Variants in PCDHGB2 observed in about 807,000 individuals in gnomAD.
PCDHGB2 encodes the protein protocadherin gamma subfamily B, 2.
In PCDHGB2, 55 loss-of-function variants were observed where a neutral mutation model predicts 59.3. The observed-to-expected ratio is 0.93, with a 90% CI of 0.75 to 1.16. The LOEUF is 1.16. Ranked by LOEUF, PCDHGB2 falls within the 50% of genes most tolerant of loss-of-function variation. PCDHGB2 has a pLI of 0.00. For synonymous variants in PCDHGB2, 516 were observed against 512.0 expected (o/e 1.01, Z -0.11); for missense variants, 1,228 against 1,198.5 (o/e 1.02, Z -0.36).
At chr5:141,385,129 G>T in intron 1 of PCDHGB2, 1 of 1,614,200 alleles carries the variant, frequency 6.2e-7, no homozygotes, top group South Asian at 1.1e-5. Context: ...TGTGGGCATG[G>T]ACGGGGTGCA....
chr5:141,418,323 A>G, intron 1 of PCDHGB2: 2 of 1,614,004 alleles, frequency 1.2e-6, no homozygotes, highest in Non-Finnish European at 1.7e-6. Flanking sequence ...ACAATTCTTG[A>G]GTCTGCAGAA....
At chr5:141,393,715 T>C in intron 1 of PCDHGB2, 1 of 1,613,746 alleles carries the variant, frequency 6.2e-7, no homozygotes, top group South Asian at 1.1e-5. Flanking sequence ...ACTGGGGAAA[T>C]ATCAATAGCA....
chr5:141,408,048 G>C, intron 1 of PCDHGB2: 1 of 1,245,698 alleles, frequency 8.0e-7, no homozygotes, highest in Non-Finnish European at 1.1e-6. Context: ...CTCCCACACA[G>C]AGCCTCCCGG....
chr5:141,413,578 C>G, intron 1 of PCDHGB2: 1 of 1,613,870 alleles, frequency 6.2e-7, no homozygotes, highest in Non-Finnish European at 8.5e-7. Flanking sequence ...TGACAATGCT[C>G]CAAAATTCCA....
intron 1 of PCDHGB2, chr5:141,373,932 C>A: frequency 2.9e-6 from 2 of 688,010 alleles, no homozygotes; most frequent in Non-Finnish European, 4.5e-6. Context: ...GACGGGAAAG[C>A]AGGAAAGCTG....
intron 1 of PCDHGB2, chr5:141,478,600 C>T (rs762531135): frequency 6.4e-7 from 1 of 1,565,134 alleles, no homozygotes. Context: ...ATTCCTACAT[C>T]ATATTGAGGA....
At chr5:141,394,300 T>G (rs753637808) in intron 1 of PCDHGB2, 2 of 1,613,820 alleles carry the variant, frequency 1.2e-6, no homozygotes, top group African/African-American at 2.7e-5. Context: ...GAGGACACGC[T>G]GCAGGGGGCG....
intron 1 of PCDHGB2, chr5:141,388,772 C>T (rs747075769): frequency 1.2e-6 from 2 of 1,613,798 alleles, no homozygotes; most frequent in Non-Finnish European, 1.7e-6. Flanking sequence ...ACTCTAACAC[C>T]GGGGAAATTA....
rs552257647 is a variant in PCDHGB2 at position 141,389,615 on chromosome 5, G to T, written c.2421+27059G>T. The T allele has an allele frequency of 4.3e-6, 7 of 1,612,854 alleles. No homozygotes were observed. In the African/African-American group the frequency reaches 8.0e-5, roughly 18 times the overall value. On this transcript the variant is annotated intron_variant, in intron 1 of 3. Transcript: ENST00000522605. The stretch of plus-strand genomic sequence containing the variant: ...GCTCTGCGCTCTTCGATATGGTGCC[G>T]CACGCTGCAGAGCCTGGCTACTTGG...
At chr5:141,434,392 CA>C (rs1377925864) in intron 1 of PCDHGB2, among the ~76,000 whole-genome samples, 2 of 152,210 alleles carry the variant, frequency 1.3e-5, no homozygotes, top group Non-Finnish European at 2.9e-5. Context: ...TGGCCATAAA[CA>C]AAATCTCTGC....
In PCDHGB2 at chr5:141,476,990, C is replaced by A; in HGVS notation, c.2422-17817C>A. On this transcript the variant is annotated intron_variant, in intron 1 of 3. Coordinates refer to ENST00000522605, the MANE Select transcript of PCDHGB2 (RefSeq NM_018923.3). The surrounding 1 kb of genome is among the most constrained non-coding windows in gnomAD (Gnocchi z 7.6). Reference sequence around the variant, plus strand: ...CGGCAGCCACAACCGCGCCGGCGTGCGGCAACTATTCGCCTTAGACCTTGT... The same window carrying A: ...CGGCAGCCACAACCGCGCCGGCGTGAGGCAACTATTCGCCTTAGACCTTGT... The A allele has an allele frequency of 6.2e-7, 1 of 1,614,220 alleles. No individual in the cohort carries two copies. Among genetic ancestry groups the A allele is most frequent in the South Asian group, 1.1e-5 (1 of 91,090 alleles).
intron 1 of PCDHGB2, chr5:141,384,799 G>T (rs1342288929): frequency 6.2e-7 from 1 of 1,613,476 alleles, no homozygotes; most frequent in South Asian, 1.1e-5. Flanking sequence ...GGCCCTGCTG[G>T]ACAGAGATGC....
chr5:141,372,387 G>A (rs771030632), intron 1 of PCDHGB2: 1 of 1,614,016 alleles, frequency 6.2e-7, no homozygotes, highest in East Asian at 2.2e-5. Flanking sequence ...CCTAATCTTC[G>A]CAGATAGCTT....
intron 1 of PCDHGB2, chr5:141,398,280 C>T (rs1001902282): frequency 1.4e-5 from 19 of 1,405,808 alleles, no homozygotes; most frequent in Non-Finnish European, 1.8e-5. Context: ...GGAACCTCGC[C>T]ACGGACCTGG....
intron 1 of PCDHGB2, chr5:141,395,466 TC>T (rs951026760): frequency 3.5e-6 from 2 of 577,354 alleles, no homozygotes; most frequent in Non-Finnish European, 5.8e-6. Context: ...TTTTAAGCCT[TC>T]CAGTATTTTA....
intron 1 of PCDHGB2, chr5:141,422,738 C>G: frequency 6.2e-7 from 1 of 1,609,538 alleles, no homozygotes; most frequent in Non-Finnish European, 8.5e-7. Flanking sequence ...CCTCTGTCCT[C>G]CTATGTCTCT....
intron 1 of PCDHGB2, chr5:141,397,913 G>C (rs1429104427): frequency 1.4e-6 from 1 of 691,886 alleles, no homozygotes; most frequent in African/African-American, 1.8e-5. Flanking sequence ...TGGCGCTCCA[G>C]ATCTCCTCGC....
intron 1 of PCDHGB2, among the ~76,000 whole-genome samples, chr5:141,474,763 A>G (rs2099354251): frequency 6.6e-6 from 1 of 152,254 alleles, no homozygotes; most frequent in Non-Finnish European, 1.5e-5. Flanking sequence ...ATATACAGAA[A>G]TAGTATGAGG....
At chr5:141,466,809 C>T (rs1187657283) in intron 1 of PCDHGB2, among the ~76,000 whole-genome samples, 2 of 152,102 alleles carry the variant, frequency 1.3e-5, no homozygotes, top group African/African-American at 4.8e-5. Context: ...CCTATTCAGA[C>T]ATGGTATAAC....
Sources: allele counts gnomAD v4.1 joint callset (sites outside exome capture counted in the v4.1 genomes callset), GRCh38; gene constraint gnomAD v4.1.1; non-coding constraint Gnocchi (gnomAD v3.1); transcripts MANE v1.5; gene names NCBI Gene and HGNC (gene_info 2026-07-23, HGNC 2026-07-21).